Variants in HSD17B3 observed in about 807,000 individuals in gnomAD.
HSD17B3 encodes the protein hydroxysteroid 17-beta dehydrogenase 3.
A neutral mutation model predicts 41.1 loss-of-function variants in HSD17B3; 29 were observed. The observed-to-expected ratio is 0.71, with a 90% CI of 0.53 to 0.96. HSD17B3 has a LOEUF of 0.96. HSD17B3 is among the 40% of genes least tolerant of loss of function. HSD17B3 has a pLI of 0.00. For synonymous variants in HSD17B3, 126 were observed against 145.6 expected (o/e 0.87, Z 0.97); for missense variants, 323 against 374.6 (o/e 0.86, Z 1.14).
intron 2 of HSD17B3, among the ~76,000 whole-genome samples, chr9:96,278,513 G>A (rs939220788): frequency 6.6e-6 from 1 of 152,166 alleles, no homozygotes; most frequent in South Asian, 2.1e-4. Flanking sequence ...CTTGAAATGG[G>A]TGTGGGGATG....
intron 2 of HSD17B3, among the ~76,000 whole-genome samples, chr9:96,296,509 A>C (rs1827363101): frequency 2.0e-5 from 3 of 152,178 alleles, no homozygotes; most frequent in Admixed American, 2.0e-4. Context: ...AATGGGTGTA[A>C]TTACTATAAC....
At chr9:96,280,243 A>G (rs1826635459) in intron 2 of HSD17B3, among the ~76,000 whole-genome samples, 1 of 152,150 alleles carries the variant, frequency 6.6e-6, no homozygotes, top group Non-Finnish European at 1.5e-5. Context: ...GGTCCATTCG[A>G]TTGGTTGGGA....
intron 10 of HSD17B3, among the ~76,000 whole-genome samples, chr9:96,237,504 G>A (rs139127893): frequency 2.6e-5 from 4 of 152,294 alleles, no homozygotes; most frequent in South Asian, 2.1e-4. Flanking sequence ...CTCCAAGCAC[G>A]ACAGGGTCTC....
At chr9:96,301,926 A>G (rs748613560) in intron 1 of HSD17B3, 25 bp downstream of exon 1, 1 of 1,613,012 alleles carries the variant, frequency 6.2e-7, no homozygotes, top group East Asian at 2.2e-5. Context: ...GCAGCAAAAA[A>G]ACATGAGATG....
intron 2 of HSD17B3, among the ~76,000 whole-genome samples, chr9:96,262,928 T>A (rs982564250): frequency 1.3e-5 from 2 of 152,234 alleles, no homozygotes; most frequent in African/African-American, 2.4e-5. Flanking sequence ...TCATATTTAT[T>A]GAGATTGCAG....
At chr9:96,281,698 A>C (rs1385213047) in intron 2 of HSD17B3, among the ~76,000 whole-genome samples, 2 of 152,212 alleles carry the variant, frequency 1.3e-5, no homozygotes, top group Non-Finnish European at 2.9e-5. Context: ...ATTGTGGTAC[A>C]CGGGGAACTT....
At chr9:96,238,004 A>G (rs1434218574) in intron 10 of HSD17B3, among the ~76,000 whole-genome samples, 1 of 152,036 alleles carries the variant, frequency 6.6e-6, no homozygotes, top group East Asian at 1.9e-4. Flanking sequence ...ATGTAGTGGC[A>G]TGTGCCTATA....
chr9:96,250,764 T>A (rs1277724906), intron 5 of HSD17B3, among the ~76,000 whole-genome samples: 1 of 151,820 alleles, frequency 6.6e-6, no homozygotes, highest in African/African-American at 2.4e-5. Context: ...GGCAGGCGCC[T>A]GCAGTCCCAG....
chr9:96,296,133 C>T (rs982073968), intron 2 of HSD17B3, among the ~76,000 whole-genome samples: 1 of 152,124 alleles, frequency 6.6e-6, no homozygotes, highest in African/African-American at 2.4e-5. Flanking sequence ...CCCGTAGTCC[C>T]TGATACTCAG....
rs1836190485 is a variant in HSD17B3 at position 96,235,325 on chromosome 9, T to C, written c.*135A>G. ...CTCAAGTAAAGTGGCAAAAAATGTGTATTCTATGCCTCTGTGACCCCAGCC... is the reference window on the plus strand; with the variant it reads ...CTCAAGTAAAGTGGCAAAAAATGTGCATTCTATGCCTCTGTGACCCCAGCC... On this transcript the variant is annotated 3_prime_UTR_variant, in exon 11 of 11. Coordinates refer to ENST00000375263, the MANE Select transcript of HSD17B3 (RefSeq NM_000197.2). 2.8e-6 allele frequency: 2 copies of C among 710,900 alleles called. No individual in the cohort carries two copies. The highest frequency in any genetic ancestry group is 5.1e-6 in the Non-Finnish European group (2 of 389,992). The allele number at this position is 710,900 out of a possible 1,614,324, so 44.0% of individuals were successfully genotyped here.
At chr9:96,290,302 CGGA>C (rs1042305397) in intron 2 of HSD17B3, among the ~76,000 whole-genome samples, 73 of 151,956 alleles carry the variant, frequency 4.8e-4, no homozygotes, top group African/African-American at 1.4e-3. Context: ...TCTGGAAGGG[CGGA>C]GGAGAAGTGC....
intron 2 of HSD17B3, among the ~76,000 whole-genome samples, chr9:96,287,091 C>T (rs1482882620): frequency 6.6e-6 from 1 of 152,156 alleles, no homozygotes; most frequent in African/African-American, 2.4e-5. Flanking sequence ...GGAGAAAGAA[C>T]TGTGTAGAGA....
At chr9:96,258,582 T>C (rs908856285) in intron 2 of HSD17B3, among the ~76,000 whole-genome samples, 5 of 152,216 alleles carry the variant, frequency 3.3e-5, no homozygotes, top group African/African-American at 4.8e-5. Flanking sequence ...ACCCCTCCTA[T>C]ACAATGTTAA....
At position 96,272,439 on chromosome 9, in the gene HSD17B3, ATATATAT is replaced by A. The variant is rs1293125481; in HGVS notation, c.202-17503_202-17497del. On this transcript the variant is annotated intron_variant, in intron 2 of 10. Transcript: ENST00000375263. ...TATATATATATATATATATATATAT[ATATATAT>A]AAAATATATATGAATATAATATATA... 1.2e-3 allele frequency among the ~76,000 whole-genome samples: 116 copies of A among 98,324 alleles called. 1 individual carries two copies. The highest frequency in any genetic ancestry group is 1.8e-3 in the Non-Finnish European group (90 of 49,360). 64.5% of individuals were successfully genotyped at this position (98,324 alleles called of 152,430 possible).
At chr9:96,253,004 G>A (rs1163603780) in intron 3 of HSD17B3, 94 bp from the exon 4 acceptor site, 2 of 810,450 alleles carry the variant, frequency 2.5e-6, no homozygotes, top group Non-Finnish European at 4.4e-6. Context: ...TACCTGAGCA[G>A]ACATTGAAGA....
At chr9:96,249,365 A>G (rs1836801723) in intron 6 of HSD17B3, among the ~76,000 whole-genome samples, 1 of 152,174 alleles carries the variant, frequency 6.6e-6, no homozygotes, top group East Asian at 1.9e-4. Flanking sequence ...AGTCCAGAAA[A>G]TCCAAGCCAC....
At chr9:96,301,344 C>T (rs937754084) in intron 1 of HSD17B3, among the ~76,000 whole-genome samples, 4 of 147,748 alleles carry the variant, frequency 2.7e-5, no homozygotes, top group African/African-American at 2.5e-5. Flanking sequence ...TTGGGGAGGC[C>T]GAGTCGGGTG....
intron 2 of HSD17B3, among the ~76,000 whole-genome samples, chr9:96,270,444 A>G (rs1042360684): frequency 6.6e-6 from 1 of 152,254 alleles, no homozygotes; most frequent in Non-Finnish European, 1.5e-5. Context: ...TGCTGTTTTC[A>G]TTTAAGGCCA....
In HSD17B3 at chr9:96,250,092, C is replaced by T. The variant is rs554062879; in HGVS notation, c.454-306G>A. ...ATACGGTTTTTCAAAGGGAGCTACT[C>T]CATTCTCAGCTGGAGGAAGAGGGGT... On this transcript the variant is annotated intron_variant, in intron 5 of 10. Transcript: ENST00000375263. The T allele has an allele frequency of 3.6e-5, 48 of 1,346,876 alleles. No individual in the cohort carries two copies. The South Asian group carries it at 7.6e-4, about 21-fold the overall frequency. 83.4% of individuals were successfully genotyped at this position (1,346,876 alleles called of 1,614,324 possible).
Sources: allele counts gnomAD v4.1 joint callset (sites outside exome capture counted in the v4.1 genomes callset), GRCh38; gene constraint gnomAD v4.1.1; transcripts MANE v1.5; gene names NCBI Gene and HGNC (gene_info 2026-07-23, HGNC 2026-07-21).